Variants in NSL1 observed in about 807,000 individuals in gnomAD.
NSL1 encodes kinetochore-associated protein NSL1 homolog.
In NSL1, 11 loss-of-function variants were observed where a neutral mutation model predicts 25.4. The observed-to-expected ratio is 0.43, with a 90% CI of 0.27 to 0.72. The LOEUF (loss-of-function observed/expected upper bound fraction) is 0.72. Among genes scored for constraint, NSL1 ranks in the 30% least tolerant of loss-of-function variants. The pLI is 0.19. For missense variants in NSL1, 330 were observed against 342.7 expected (o/e 0.96, Z 0.29); for synonymous variants, 118 against 120.6 (o/e 0.98, Z 0.14).
intron 4 of NSL1, among the ~76,000 whole-genome samples, chr1:212,767,867 T>A (rs1410210177): frequency 1.3e-5 from 2 of 152,078 alleles, no homozygotes; most frequent in African/African-American, 4.8e-5. Context: ...AAAACCATAA[T>A]GAGATACCAC....
rs1657845369 is a variant in NSL1 at position 212,727,734 on chromosome 1, T to C, written c.*10674A>G. On this transcript the variant is annotated 3_prime_UTR_variant, in exon 6 of 6. Transcript: ENST00000366977. ...ATGATGATTTATATTTCCCAAGAAA[T>C]TAACAGCAAAAGTTCATATTTAACC... The C allele has an allele frequency of 1.0e-6, 1 of 984,856 alleles. No homozygotes were observed. The highest frequency in any genetic ancestry group is 1.2e-6 in the Non-Finnish European group (1 of 829,512). 61.0% of individuals were successfully genotyped at this position (984,856 alleles called of 1,614,324 possible). A position where few individuals can be genotyped will look rare whatever the true frequency, so the allele number is the denominator to read the frequency against.
intron 1 of NSL1, among the ~76,000 whole-genome samples, chr1:212,790,734 A>C (rs530567780): frequency 1.0e-3 from 156 of 152,012 alleles, no homozygotes; most frequent in African/African-American, 3.6e-3. Context: ...CATGCTGGCT[A>C]ACACGGTGAA....
chr1:212,731,062 A>G lies in NSL1; in HGVS notation c.*7346T>C. The G allele has an allele frequency of 2.0e-6, 2 of 985,214 alleles. No homozygotes were observed. The highest frequency in any genetic ancestry group is 2.4e-6 in the Non-Finnish European group (2 of 829,798). The allele number at this position is 985,214 out of a possible 1,614,324, so 61.0% of individuals were successfully genotyped here. A position where few individuals can be genotyped will look rare whatever the true frequency, so the allele number is the denominator to read the frequency against. On this transcript the variant is annotated 3_prime_UTR_variant, in exon 6 of 6. Transcript: ENST00000366977. ...GAAGCTTCAAATGAATATAACATTA[A>G]TTTTCTCAAATCCTTTCATATAAAA...
Position 212,735,907 on chromosome 1 carries a change from T to C in NSL1, c.*2501A>G. Reference sequence around the variant, plus strand: ...ACTGTGAGAAGTAAGTATCTGTTGTTTAAGCCACCCAGCCTGTGGTATTCT... The same window carrying C: ...ACTGTGAGAAGTAAGTATCTGTTGTCTAAGCCACCCAGCCTGTGGTATTCT... On this transcript the variant is annotated 3_prime_UTR_variant, in exon 6 of 6. Transcript: ENST00000366977. 6.2e-6 allele frequency: 6 copies of C among 975,304 alleles called. No homozygotes were observed. The highest frequency in any genetic ancestry group is 6.1e-6 in the Non-Finnish European group (5 of 820,722). 60.4% of individuals were successfully genotyped at this position (975,304 alleles called of 1,614,324 possible).
chr1:212,779,561 GT>G lies in NSL1; in HGVS notation c.499+2810del, dbSNP rs1445160133. 1.5e-4 allele frequency among the ~76,000 whole-genome samples: 16 copies of G among 107,584 alleles called. 1 individual carries two copies. Among genetic ancestry groups the G allele is most frequent in the African/African-American group, 5.7e-4 (15 of 26,170 alleles). 70.6% of individuals were successfully genotyped at this position (107,584 alleles called of 152,430 possible). Reference sequence around the variant, plus strand: ...CGCCCCGTCCGGGAGGGAGGTGGGGGTGTCAGCCCCCCACCCGGCCAGCCAC... The same window carrying G: ...CGCCCCGTCCGGGAGGGAGGTGGGGGGTCAGCCCCCCACCCGGCCAGCCAC... On this transcript the variant is annotated intron_variant, in intron 4 of 5. Transcript: ENST00000366977.
intron 2 of NSL1, among the ~76,000 whole-genome samples, chr1:212,786,765 G>A (rs1429043865): frequency 3.9e-5 from 6 of 152,158 alleles, no homozygotes; most frequent in East Asian, 1.9e-4. Flanking sequence ...CTGAGATCGC[G>A]CCACTGCACT....
intron 4 of NSL1, among the ~76,000 whole-genome samples, chr1:212,745,179 T>C (rs1317052153): frequency 2.5e-5 from 1 of 40,036 alleles, no homozygotes. Flanking sequence ...TATATATATA[T>C]ATATATATAT....
At chr1:212,762,664 G>A (rs763174944) in intron 4 of NSL1, among the ~76,000 whole-genome samples, 13 of 152,170 alleles carry the variant, frequency 8.5e-5, no homozygotes, top group African/African-American at 2.4e-4. Flanking sequence ...AGCCTGTCTC[G>A]GAGCACACAT....
chr1:212,768,645 C>T (rs1444016547), intron 4 of NSL1, among the ~76,000 whole-genome samples: 1 of 152,156 alleles, frequency 6.6e-6, no homozygotes, highest in Non-Finnish European at 1.5e-5. Context: ...ATTGTATGTT[C>T]TCATTTATAA....
rs1358925540 is a variant in NSL1 at position 212,727,726 on chromosome 1, C to A, written c.*10682G>T. On this transcript the variant is annotated 3_prime_UTR_variant, in exon 6 of 6. Coordinates refer to ENST00000366977, the MANE Select transcript of NSL1 (RefSeq NM_015471.4). ...GACTAGCTATGATGATTTATATTTC[C>A]CAAGAAATTAACAGCAAAAGTTCAT... 1 of 984,686 alleles carries A rather than the reference C, an allele frequency of 1.0e-6. No homozygotes were observed. The highest frequency in any genetic ancestry group is 1.2e-6 in the Non-Finnish European group (1 of 829,456). 61.0% of individuals were successfully genotyped at this position (984,686 alleles called of 1,614,324 possible).
chr1:212,743,929 T>G (rs988693351), intron 4 of NSL1, among the ~76,000 whole-genome samples: 48 of 152,198 alleles, frequency 3.2e-4, no homozygotes, highest in African/African-American at 1.2e-3. Flanking sequence ...TTGTATTGTT[T>G]TGACCTGGTG....
chr1:212,754,163 A>G (rs1369559074), intron 4 of NSL1, among the ~76,000 whole-genome samples: 1 of 152,232 alleles, frequency 6.6e-6, no homozygotes, highest in Non-Finnish European at 1.5e-5. Context: ...TTCCTAGTCA[A>G]GTTGATTTCA....
At chr1:212,777,965 G>C (rs1024080721) in intron 4 of NSL1, among the ~76,000 whole-genome samples, 9 of 152,190 alleles carry the variant, frequency 5.9e-5, no homozygotes, top group Non-Finnish European at 7.3e-5. Context: ...CCTTCTAAGA[G>C]AGCATTTGTA....
chr1:212,759,726 T>A (rs1419801610), intron 4 of NSL1, among the ~76,000 whole-genome samples: 1 of 152,004 alleles, frequency 6.6e-6, no homozygotes, highest in Admixed American at 6.5e-5. Context: ...CCCCACTGCA[T>A]CCACCTGGAG....
chr1:212,758,815 C>G (rs1659426911), intron 4 of NSL1, among the ~76,000 whole-genome samples: 1 of 152,150 alleles, frequency 6.6e-6, no homozygotes, highest in African/African-American at 2.4e-5. Flanking sequence ...TGTAAGGGAT[C>G]AGAAGAGCCA....
At chr1:212,775,305 C>T (rs1000444982) in intron 4 of NSL1, among the ~76,000 whole-genome samples, 2 of 152,054 alleles carry the variant, frequency 1.3e-5, no homozygotes, top group Admixed American at 1.3e-4. Context: ...GAATAATAAA[C>T]CATTTTTAAA....
intron 4 of NSL1, among the ~76,000 whole-genome samples, chr1:212,743,010 A>G (rs1426996498): frequency 6.6e-6 from 1 of 152,204 alleles, no homozygotes; most frequent in Non-Finnish European, 1.5e-5. Context: ...TGCAATAACT[A>G]AATACTGCAT....
rs758246622 is a variant in NSL1 at position 212,784,408 on chromosome 1, G to C, written c.399C>G (p.Ile133Met). 50 of 1,593,636 alleles carry C rather than the reference G, an allele frequency of 3.1e-5. No individual in the cohort carries two copies. The highest frequency in any genetic ancestry group is 4.0e-5 in the Non-Finnish European group (47 of 1,166,634). The change falls in exon 3 of 6, where the codon ATC (isoleucine) becomes ATG (methionine). Residue 133 changes from isoleucine (I) to methionine (M), a missense_variant. Coordinates refer to ENST00000366977, the MANE Select transcript of NSL1 (RefSeq NM_015471.4). ...TTATGGTTTTGATGACACATTCCAG[G>C]ATCTTTCTGGGATACTGCTTACGTT... ...ATKRKQYPRK[I>M]LECVIKTIKA...
At chr1:212,743,213 C>T (rs947102736) in intron 4 of NSL1, among the ~76,000 whole-genome samples, 4 of 151,840 alleles carry the variant, frequency 2.6e-5, no homozygotes, top group South Asian at 2.1e-4. Flanking sequence ...TCGCCAGCAG[C>T]GAGTGCAGTG....
Sources: allele counts gnomAD v4.1 joint callset (sites outside exome capture counted in the v4.1 genomes callset), GRCh38; gene constraint gnomAD v4.1.1; transcripts MANE v1.5; gene names NCBI Gene and HGNC (gene_info 2026-07-23, HGNC 2026-07-21).